Variants in AAK1 observed in about 807,000 individuals in gnomAD.
AAK1 encodes the protein AP2-associated protein kinase 1.
A neutral mutation model predicts 116.0 loss-of-function variants in AAK1; 37 were observed. The ratio of observed to expected loss-of-function variants is 0.32; its 90% confidence interval spans 0.25 to 0.42. The LOEUF is 0.42. Ranked by LOEUF, AAK1 falls within the 10% of genes least tolerant of loss-of-function variation. The probability of loss-of-function intolerance (pLI) is 1.00; values close to 1 mark genes in which losing one functional copy is unlikely to be tolerated. For missense variants in AAK1, 919 were observed against 1,170.6 expected (o/e 0.79, Z 3.14); for synonymous variants, 458 against 439.9 (o/e 1.04, Z -0.51).
intron 5 of AAK1, 97 bp from the exon 6 acceptor site, chr2:69,532,259 G>T: frequency 6.9e-7 from 1 of 1,451,156 alleles, no homozygotes; most frequent in Non-Finnish European, 9.4e-7. Flanking sequence ...TTTTATTTCT[G>T]GCAGTCTCAT....
At chr2:69,591,083 A>G (rs972525462) in intron 2 of AAK1, among the ~76,000 whole-genome samples, 2 of 152,222 alleles carry the variant, frequency 1.3e-5, no homozygotes, top group African/African-American at 2.4e-5. Flanking sequence ...TATTGTATGG[A>G]GCATTTATTT....
rs372572033 is a variant in AAK1 at position 69,520,535 on chromosome 2, C to CTT, written c.1210+297_1210+298dup. On this transcript the variant is annotated intron_variant, in intron 11 of 21. Coordinates refer to ENST00000409085, the MANE Select transcript of AAK1 (RefSeq NM_014911.5). ...CACAATGCCTGGCTAATTTTTTGTA[C>CTT]TTTTTTTTTTGAAAAACAGGGTTTC... 2.0e-3 allele frequency among the ~76,000 whole-genome samples: 304 copies of CTT among 148,404 alleles called. 1 individual carries two copies. Among genetic ancestry groups the CTT allele is most frequent in the African/African-American group, 7.3e-3 (298 of 40,586 alleles).
At chr2:69,636,441 A>G (rs1187588030) in intron 2 of AAK1, among the ~76,000 whole-genome samples, 1 of 152,220 alleles carries the variant, frequency 6.6e-6, no homozygotes, top group African/African-American at 2.4e-5. Flanking sequence ...TTAGCTAATG[A>G]TAGCAGGACA....
At chr2:69,623,666 T>G (rs1674768079) in intron 2 of AAK1, among the ~76,000 whole-genome samples, 1 of 152,078 alleles carries the variant, frequency 6.6e-6, no homozygotes, top group Non-Finnish European at 1.5e-5. Flanking sequence ...AAAAATGTAT[T>G]TTTTAAACCC....
At chr2:69,532,785 T>A (rs998909421) in intron 5 of AAK1, among the ~76,000 whole-genome samples, 1 of 152,206 alleles carries the variant, frequency 6.6e-6, no homozygotes, top group Non-Finnish European at 1.5e-5. Context: ...TGTGATAAAA[T>A]GTCTGGGGAT....
chr2:69,579,858 C>T (rs1163080514), intron 2 of AAK1, among the ~76,000 whole-genome samples: 1 of 152,176 alleles, frequency 6.6e-6, no homozygotes, highest in Non-Finnish European at 1.5e-5. Flanking sequence ...TCCAGAGGTC[C>T]AGACCCATAT....
rs1672219892 is a variant in AAK1 at position 69,574,499 on chromosome 2, G to A, written c.164-17521C>T. 2.0e-5 allele frequency among the ~76,000 whole-genome samples: 3 copies of A among 151,546 alleles called. 1 individual carries two copies. In the South Asian group the frequency reaches 6.3e-4, roughly 32 times the overall value. ...AGGCAGGAGGATCGCTGGAGCCAGGGAGTTCAAGGCTGCAGTGCACAATGA... is the reference window on the plus strand; with the variant it reads ...AGGCAGGAGGATCGCTGGAGCCAGGAAGTTCAAGGCTGCAGTGCACAATGA... On this transcript the variant is annotated intron_variant, in intron 2 of 21. Transcript: ENST00000409085.
rs772981476 is a variant in AAK1 at position 69,527,207 on chromosome 2, T to C, written c.975+9A>G. The C allele has an allele frequency of 1.9e-6, 3 of 1,574,482 alleles. No individual in the cohort carries two copies. The highest frequency in any genetic ancestry group is 1.1e-5 in the South Asian group (1 of 87,592). On this transcript the variant is annotated intron_variant, in intron 9 of 21. Transcript: ENST00000409085. ...TGTTTACTCCCTTTAAATAGCACCA[T>C]TCACGTACCTGTACATTTGGAATTG...
In AAK1 at chr2:69,642,977, C is replaced by T. The variant is rs1156883444; in HGVS notation, c.64G>A (p.Gly22Arg). The T allele has an allele frequency of 6.2e-7, 1 of 1,612,660 alleles. No individual in the cohort carries two copies. The highest frequency in any genetic ancestry group is 8.5e-7 in the Non-Finnish European group (1 of 1,179,488). The change falls in exon 2 of 22, where the codon GGA (glycine) becomes AGA (arginine). Residue 22 changes from glycine (G) to arginine (R), a missense_variant. This residue lies in a region of AAK1 where 317 missense variants were observed against 490.4 expected (regional missense o/e 0.65). Coordinates refer to ENST00000409085, the MANE Select transcript of AAK1 (RefSeq NM_014911.5). ...GGSGLGSGSSGGGGSTSGLGS... is the reference protein window; with the variant it reads ...GGSGLGSGSSRGGGSTSGLGS... Reference sequence around the variant, plus strand: ...AGGCCCGAGGTGCTGCCCCCTCCTCCGCTGGAGCCGGAGCCCAGGCCAGAG... The same window carrying T: ...AGGCCCGAGGTGCTGCCCCCTCCTCTGCTGGAGCCGGAGCCCAGGCCAGAG...
intron 5 of AAK1, among the ~76,000 whole-genome samples, chr2:69,541,377 T>C (rs6760291): frequency 0.06 from 9,127 of 151,836 alleles, 857 homozygotes; most frequent in African/African-American, 0.21. Context: ...ACTATAGGCA[T>C]GCGCTACTAC....
intron 16 of AAK1, among the ~76,000 whole-genome samples, chr2:69,497,557 C>T (rs1675799636): frequency 6.6e-6 from 1 of 151,992 alleles, no homozygotes. Context: ...GCCTCGGCCT[C>T]CCAAAGTGCT....
At chr2:69,564,085 G>A (rs182569818) in intron 2 of AAK1, among the ~76,000 whole-genome samples, 42 of 152,114 alleles carry the variant, frequency 2.8e-4, no homozygotes, top group Admixed American at 2.7e-3. Context: ...CCAGCTACTC[G>A]GAAGGCTGAG....
At position 69,472,003 on chromosome 2, in the gene AAK1, C is replaced by T. The variant is rs956108547; in HGVS notation, c.*3866G>A. ...TTGTGTAATTCTAATTCAGGAAGAG[C>T]GAAGTCCAATATCAAATAACACTGA... On this transcript the variant is annotated 3_prime_UTR_variant, in exon 22 of 22. Coordinates refer to ENST00000409085, the MANE Select transcript of AAK1 (RefSeq NM_014911.5). 151 of 985,226 alleles carry T rather than the reference C, an allele frequency of 1.5e-4. No homozygotes were observed. The highest frequency in any genetic ancestry group is 3.8e-4 in the South Asian group (8 of 21,288). The allele number at this position is 985,226 out of a possible 1,614,324, so 61.0% of individuals were successfully genotyped here. A position where few individuals can be genotyped will look rare whatever the true frequency, so the allele number is the denominator to read the frequency against.
rs373804669 is a variant in AAK1 at position 69,503,435 on chromosome 2, T to C, written c.2269+2134A>G. On this transcript the variant is annotated intron_variant, in intron 16 of 21. Transcript: ENST00000409085. ...CTGAAGTGTTTATAATAGTAAATAC[T>C]GGAATAAAGTTAATGTTAAAAAAGA... 1.2e-4 allele frequency among the ~76,000 whole-genome samples: 18 copies of C among 152,350 alleles called. No homozygotes were observed. In the South Asian group the frequency reaches 3.5e-3, roughly 30 times the overall value.
At chr2:69,481,556 A>G (rs1198961260) in intron 18 of AAK1, 1 of 152,364 alleles carries the variant, frequency 6.6e-6, no homozygotes, top group East Asian at 1.9e-4. Context: ...GCCTACCCCT[A>G]TGCAAGGTCA....
intron 2 of AAK1, among the ~76,000 whole-genome samples, chr2:69,607,093 T>C (rs1422664542): frequency 1.4e-5 from 2 of 146,400 alleles, no homozygotes; most frequent in Non-Finnish European, 1.5e-5. Flanking sequence ...TGATAAACGC[T>C]GTGGAGAAAA....
At position 69,465,314 on chromosome 2, in the gene AAK1, T is replaced by C. The variant is rs1031259403; in HGVS notation, c.*10555A>G. 13 of 1,024,234 alleles carry C rather than the reference T, an allele frequency of 1.3e-5. No homozygotes were observed. The African/African-American group carries it at 1.4e-4, about 11-fold the overall frequency. 63.4% of individuals were successfully genotyped at this position (1,024,234 alleles called of 1,614,324 possible). On this transcript the variant is annotated 3_prime_UTR_variant, in exon 22 of 22. Coordinates refer to ENST00000409085, the MANE Select transcript of AAK1 (RefSeq NM_014911.5). ...AGAAATTCTGCTCTGACGCAGGGAA[T>C]TGAAATATAAGAACTGATAATATTT...
chr2:69,561,842 T>G (rs1671656621), intron 2 of AAK1, among the ~76,000 whole-genome samples: 2 of 152,204 alleles, frequency 1.3e-5, no homozygotes, highest in South Asian at 4.1e-4. Flanking sequence ...AATCCTACAG[T>G]ATACACTGCT....
chr2:69,496,088 T>C lies in AAK1; in HGVS notation c.2270-8A>G, dbSNP rs531139096. 4 of 1,551,116 alleles carry C rather than the reference T, an allele frequency of 2.6e-6. No homozygotes were observed. Among genetic ancestry groups the C allele is most frequent in the Admixed American group, 2.0e-5 (1 of 51,032 alleles). The stretch of plus-strand genomic sequence containing the variant: ...CACCCTTCCTTTTTTCAGCTGGAGT[T>C]AGGTTGGAGGGGAAGGAGGAGTCAG... On this transcript the variant is annotated splice_polypyrimidine_tract_variant and splice_region_variant and intron_variant, in intron 16 of 21. Coordinates refer to ENST00000409085, the MANE Select transcript of AAK1 (RefSeq NM_014911.5).
Sources: allele counts gnomAD v4.1 joint callset (sites outside exome capture counted in the v4.1 genomes callset), GRCh38; gene constraint gnomAD v4.1.1; regional missense constraint gnomAD v4.1.1; transcripts MANE v1.5; gene names NCBI Gene and HGNC (gene_info 2026-07-23, HGNC 2026-07-21).